Variants in SCN8A observed in about 807,000 individuals in gnomAD.
The protein encoded by SCN8A is sodium voltage-gated channel alpha subunit 8.
In SCN8A, 30 loss-of-function variants were observed where a neutral mutation model predicts 184.1. That is an observed-to-expected ratio of 0.16 (90% CI 0.12 to 0.22). SCN8A has a LOEUF of 0.22. Ranked by LOEUF, SCN8A falls within the 10% of genes least tolerant of loss-of-function variation. SCN8A has a pLI of 1.00. For missense variants in SCN8A, 1,057 were observed against 2,498.9 expected, an observed-to-expected ratio of 0.42 and a Z score of 12.30; for synonymous variants, 852 against 907.0, an observed-to-expected ratio of 0.94 and a Z score of 1.09.
intron 26 of SCN8A, among the ~76,000 whole-genome samples, chr12:51,796,021 A>T (rs1467905316): frequency 6.6e-6 from 1 of 152,132 alleles, no homozygotes; most frequent in Non-Finnish European, 1.5e-5. Flanking sequence ...CACTTCCTAG[A>T]TGACAGAGAG....
chr12:51,802,769 CCT>C (rs1217080892), intron 26 of SCN8A, among the ~76,000 whole-genome samples: 1 of 152,186 alleles, frequency 6.6e-6, no homozygotes, highest in Admixed American at 6.5e-5. Flanking sequence ...AAACTCCTTG[CCT>C]CTCAAGAACG....
intron 13 of SCN8A, among the ~76,000 whole-genome samples, chr12:51,747,316 A>T (rs1029739424): frequency 6.6e-6 from 1 of 152,126 alleles, no homozygotes; most frequent in Non-Finnish European, 1.5e-5. Flanking sequence ...GTTTTCTTTA[A>T]TTACCATCGG....
Position 51,633,334 on chromosome 12 carries a change from T to C in SCN8A, c.-54-29430T>C, listed in dbSNP as rs369887828. Among the ~76,000 whole-genome samples the C allele has an allele frequency of 9.8e-5, 15 of 152,384 alleles. No individual in the cohort carries two copies. In the South Asian group the frequency reaches 1.7e-3, roughly 17 times the overall value. On this transcript the variant is annotated intron_variant, in intron 1 of 26. Coordinates refer to ENST00000627620, the MANE Select transcript of SCN8A (RefSeq NM_001330260.2). ...ATAATCTCTTATCTAGATTCCCTTCTAGCATCTTCATGGTTCTGTGTTTTC... is the reference window on the plus strand; with the variant it reads ...ATAATCTCTTATCTAGATTCCCTTCCAGCATCTTCATGGTTCTGTGTTTTC...
At chr12:51,594,713 C>G (rs1400587820) in intron 1 of SCN8A, among the ~76,000 whole-genome samples, 1 of 152,044 alleles carries the variant, frequency 6.6e-6, no homozygotes, top group Non-Finnish European at 1.5e-5. Flanking sequence ...AAAAGTCATC[C>G]TTAGTTTTAC....
intron 26 of SCN8A, among the ~76,000 whole-genome samples, chr12:51,797,530 C>G (rs1218623377): frequency 6.6e-6 from 1 of 152,192 alleles, no homozygotes; most frequent in African/African-American, 2.4e-5. Flanking sequence ...AGCACCACGG[C>G]TGGTTGTGGT....
At chr12:51,706,116 T>C (rs561917677) in intron 10 of SCN8A, among the ~76,000 whole-genome samples, 1 of 152,224 alleles carries the variant, frequency 6.6e-6, no homozygotes, top group Non-Finnish European at 1.5e-5. Flanking sequence ...ACCCATAATA[T>C]ATAATGTTAC....
intron 14 of SCN8A, among the ~76,000 whole-genome samples, 171 bp from the exon 15 acceptor site, chr12:51,762,332 C>T (rs1432789344): frequency 6.6e-6 from 1 of 152,120 alleles, no homozygotes; most frequent in Non-Finnish European, 1.5e-5. Context: ...ATAAGATTTT[C>T]CTGCATCAGG....
At chr12:51,701,322 A>G (rs530745577) in intron 8 of SCN8A, 115 bp downstream of exon 8, 32 of 559,078 alleles carry the variant, frequency 5.7e-5, no homozygotes, top group Middle Eastern at 6.0e-4. Context: ...AGACCTTACA[A>G]TTGCATCTGA....
At chr12:51,761,989 G>A (rs930319066) in intron 14 of SCN8A, among the ~76,000 whole-genome samples, 1 of 152,020 alleles carries the variant, frequency 6.6e-6, no homozygotes, top group Non-Finnish European at 1.5e-5. Flanking sequence ...GCAAGGTGGT[G>A]AGATTATAGA....
chr12:51,789,458 C>T (rs1411302502), intron 24 of SCN8A, 40 bp downstream of exon 24: 1 of 1,606,128 alleles, frequency 6.2e-7, no homozygotes. Flanking sequence ...TGGAAGTCAG[C>T]CCAGATAAGA....
At chr12:51,708,531 G>C (rs200575364) in intron 11 of SCN8A, among the ~76,000 whole-genome samples, 2 of 152,158 alleles carry the variant, frequency 1.3e-5, no homozygotes, top group East Asian at 3.8e-4. Flanking sequence ...TACTGTTTAT[G>C]GCAGTATATC....
At chr12:51,690,716 G>C (rs1160868696) in intron 6 of SCN8A, among the ~76,000 whole-genome samples, 5 of 152,140 alleles carry the variant, frequency 3.3e-5, no homozygotes, top group African/African-American at 9.7e-5. Context: ...GATAGAGAGG[G>C]AAGCACAAAG....
At position 51,735,759 on chromosome 12, in the gene SCN8A, C is replaced by T. The variant is rs546754443; in HGVS notation, c.1999-10144C>T. On this transcript the variant is annotated intron_variant, in intron 12 of 26. Coordinates refer to ENST00000627620, the MANE Select transcript of SCN8A (RefSeq NM_001330260.2). ...GCTGCAACCGGGGGGTCCTCGGGAT[C>T]CTCCTGGAGTCTCTTCCTCGGCATC... Among the ~76,000 whole-genome samples the T allele has an allele frequency of 3.9e-5, 6 of 152,238 alleles. No homozygotes were observed. The South Asian group carries it at 1.0e-3, about 26-fold the overall frequency.
intron 15 of SCN8A, among the ~76,000 whole-genome samples, chr12:51,764,335 G>A (rs1479821849): frequency 2.0e-5 from 3 of 152,126 alleles, no homozygotes; most frequent in African/African-American, 4.8e-5. Context: ...GCCTTTATGC[G>A]TTATAATTCT....
intron 6 of SCN8A, among the ~76,000 whole-genome samples, chr12:51,696,651 C>T (rs760503529): frequency 2.0e-5 from 3 of 152,162 alleles, no homozygotes; most frequent in Non-Finnish European, 2.9e-5. Context: ...TCCACTACTG[C>T]CCACTGCTGT....
intron 2 of SCN8A, among the ~76,000 whole-genome samples, chr12:51,676,312 A>G (rs189687116): frequency 2.4e-4 from 37 of 152,326 alleles, no homozygotes; most frequent in Middle Eastern, 3.4e-3. Flanking sequence ...TTACTTGAGG[A>G]ATTCACTAGG....
intron 1 of SCN8A, among the ~76,000 whole-genome samples, chr12:51,648,530 C>G (rs921068184): frequency 1.3e-5 from 2 of 152,188 alleles, no homozygotes; most frequent in African/African-American, 4.8e-5. Context: ...ACTCACAGTT[C>G]CATATGGCTG....
At chr12:51,786,128 A>AG (rs1434406401) in intron 21 of SCN8A, among the ~76,000 whole-genome samples, 2 of 152,200 alleles carry the variant, frequency 1.3e-5, no homozygotes, top group Admixed American at 1.3e-4. Context: ...GATTTTGAAC[A>AG]ATTATACCTT....
rs781602116 is a variant in SCN8A, at chr12:51,807,106, G to A, written c.5620G>A (p.Val1874Met). Reference sequence around the variant, plus strand: ...GCGGCAGCAGATGGAAGAGCGGTTCGTGGCATCCAATCCTTCCAAAGTGTC... The same window carrying A: ...GCGGCAGCAGATGGAAGAGCGGTTCATGGCATCCAATCCTTCCAAAGTGTC... ...ILRQQMEERF[V>M]ASNPSKVSYE... The change falls in exon 27 of 27, where the codon GTG becomes ATG. Residue 1874 changes from valine (V) to methionine (M), a missense_variant. By Grantham distance (21) the Val-to-Met change is conservative. Coordinates refer to ENST00000627620, the MANE Select transcript of SCN8A (RefSeq NM_001330260.2). The surrounding 1 kb of genome is among the most constrained non-coding windows in gnomAD (Gnocchi z 4.5). 6.2e-6 allele frequency: 10 copies of A among 1,613,858 alleles called. No individual in the cohort carries two copies. The highest frequency in any genetic ancestry group is 1.1e-5 in the South Asian group (1 of 91,082).
Sources: gnomAD v4.1 joint callset for allele counts (sites outside exome capture counted in the v4.1 genomes callset) on GRCh38, gnomAD v4.1.1 for gene constraint, Gnocchi (gnomAD v3.1) non-coding constraint, MANE v1.5 for transcripts, NCBI Gene and HGNC (gene_info 2026-07-23, HGNC 2026-07-21) for gene names.